PFKFB3: variants seen among roughly 807,000 people sequenced by gnomAD.
PFKFB3 encodes the protein 6-phosphofructo-2-kinase/fructose-2,6-bisphosphatase 3.
PFKFB3 carries 33 observed loss-of-function variants against 68.0 expected under a neutral mutation model. The observed-to-expected ratio is 0.49, with a 90% CI of 0.37 to 0.65. The LOEUF is 0.65. Among genes scored for constraint, PFKFB3 ranks in the 30% least tolerant of loss-of-function variants. PFKFB3 has a pLI of 0.00. For missense variants in PFKFB3, 586 were observed against 712.2 expected (o/e 0.82, Z 2.02); for synonymous variants, 315 against 288.2 (o/e 1.09, Z -0.94).
rs1404593512 is a variant in PFKFB3 at position 6,228,122 on chromosome 10, G to A, written c.1515+1757G>A. 63 of 1,576,144 alleles carry A rather than the reference G, an allele frequency of 4.0e-5. No homozygotes were observed. The highest frequency in any genetic ancestry group is 5.1e-5 in the Non-Finnish European group (59 of 1,147,214). On this transcript the variant is annotated intron_variant, in intron 14 of 14. Coordinates refer to ENST00000379775, the MANE Select transcript of PFKFB3 (RefSeq NM_004566.4). The surrounding 1 kb of genome is among the most constrained non-coding windows in gnomAD (Gnocchi z 4.5). ...AAGCTGCTGGCTGGGCCGGCGTGGG[G>A]TTTTTCAGGGCTTCGTCCCTGCAGA...
At chr10:6,262,399 G>A in the PFKFB3 span, among the ~76,000 whole-genome samples, 1 of 140,570 alleles carries the variant, frequency 7.1e-6, no homozygotes, top group Admixed American at 7.6e-5. Flanking sequence ...AGCCTGCAGT[G>A]AGCAGAGATC....
the PFKFB3 span, among the ~76,000 whole-genome samples, chr10:6,275,347 G>A: frequency 6.6e-6 from 1 of 152,266 alleles, no homozygotes; most frequent in East Asian, 1.9e-4. The surrounding 1 kb of genome is among the most constrained non-coding windows in gnomAD (Gnocchi z 4.9). Flanking sequence ...GAAGGTGCCA[G>A]TTCCCTCAGC....
chr10:6,246,264 G>A (rs532946250), intron 14 of PFKFB3, among the ~76,000 whole-genome samples: 5 of 152,004 alleles, frequency 3.3e-5, no homozygotes, highest in East Asian at 3.9e-4. Context: ...CCTTTAATCC[G>A]GTAACAATCA....
chr10:6,216,102 G>A (rs544663576), intron 3 of PFKFB3, 23 bp from the exon 4 acceptor site: 92 of 1,610,208 alleles, frequency 5.7e-5, no homozygotes, highest in Admixed American at 4.0e-4. Flanking sequence ...GCTGACATTC[G>A]GGCAATGTCT....
Position 6,221,544 on chromosome 10 carries a change from G to A in PFKFB3, c.978+17G>A, listed in dbSNP as rs41291259. On this transcript the variant is annotated intron_variant, in intron 9 of 14. Transcript: ENST00000379775. ...ATCGACGCGGTGAGTCCTGGGAGGC[G>A]GGCAGGCAGCCTCACCCTCGGGCAT... 8,959 of 1,612,562 alleles carry A rather than the reference G, an allele frequency of 5.6e-3. 38 individuals are homozygous for A. The highest frequency in any genetic ancestry group is 6.3e-3 in the Non-Finnish European group (7,437 of 1,179,590).
chr10:6,203,211 G>C lies in PFKFB3; in HGVS notation c.-50G>C. The C allele has an allele frequency of 6.3e-7, 1 of 1,592,558 alleles. No individual in the cohort carries two copies. The highest frequency in any genetic ancestry group is 8.5e-7 in the Non-Finnish European group (1 of 1,170,728). On this transcript the variant is annotated 5_prime_UTR_variant, in exon 1 of 15. Coordinates refer to ENST00000379775, the MANE Select transcript of PFKFB3 (RefSeq NM_004566.4). ...GGGGTCGGCGGCCGCTCTCCTGCCAGCGTCGGGATCTCGGCCCCGGGAGGC... is the reference window on the plus strand; with the variant it reads ...GGGGTCGGCGGCCGCTCTCCTGCCACCGTCGGGATCTCGGCCCCGGGAGGC...
intron 1 of PFKFB3, chr10:6,146,229 A>C (rs1054532411): frequency 6.9e-7 from 1 of 1,440,078 alleles, no homozygotes; most frequent in East Asian, 2.5e-5. Context: ...CTCTTCTCTC[A>C]TAACTCAGAG....
chr10:6,169,998 C>T (rs188396662), intron 1 of PFKFB3, among the ~76,000 whole-genome samples: 1 of 152,264 alleles, frequency 6.6e-6, no homozygotes, highest in African/African-American at 2.4e-5. Context: ...TTTGCAGTTC[C>T]CTTAAATTAG....
chr10:6,185,746 T>C (rs942907959), intron 1 of PFKFB3, among the ~76,000 whole-genome samples: 5 of 151,520 alleles, frequency 3.3e-5, no homozygotes, highest in African/African-American at 1.2e-4. Flanking sequence ...TTCAAGCGAT[T>C]TTCCTGCCTC....
chr10:6,175,031 G>A (rs1166675998), intron 1 of PFKFB3, among the ~76,000 whole-genome samples: 1 of 152,048 alleles, frequency 6.6e-6, no homozygotes, highest in Non-Finnish European at 1.5e-5. Flanking sequence ...GGCCAGGCTG[G>A]TCTTGAATTC....
intron 14 of PFKFB3, among the ~76,000 whole-genome samples, chr10:6,251,122 A>G (rs1041045757): frequency 3.3e-5 from 5 of 152,178 alleles, no homozygotes; most frequent in Non-Finnish European, 7.3e-5. Context: ...CCCAAAATAT[A>G]TTTTCCAGCT....
chr10:6,280,918 C>G, the PFKFB3 span, among the ~76,000 whole-genome samples: 13 of 151,624 alleles, frequency 8.6e-5, no homozygotes, highest in Admixed American at 5.9e-4. Context: ...GCAGTATACA[C>G]TGAACCCAAT....
intron 1 of PFKFB3, among the ~76,000 whole-genome samples, chr10:6,182,798 G>A (rs1842755291): frequency 6.6e-6 from 1 of 152,224 alleles, no homozygotes; most frequent in Non-Finnish European, 1.5e-5. Context: ...ATGCAGTGAA[G>A]TTCGCCTTGC....
chr10:6,166,152 T>C (rs1412959932), intron 1 of PFKFB3, among the ~76,000 whole-genome samples: 2 of 152,106 alleles, frequency 1.3e-5, no homozygotes, highest in Non-Finnish European at 2.9e-5. Flanking sequence ...AGCTAATTTT[T>C]GTGATTTTTA....
the PFKFB3 span, among the ~76,000 whole-genome samples, chr10:6,287,654 C>T: frequency 6.6e-6 from 1 of 152,106 alleles, no homozygotes; most frequent in Non-Finnish European, 1.5e-5. Flanking sequence ...TACGTCCCTG[C>T]CATTAAGTGA....
At chr10:6,231,265 G>A (rs1442479538) in intron 14 of PFKFB3, 25 of 1,602,750 alleles carry the variant, frequency 1.6e-5, no homozygotes, top group East Asian at 2.2e-5. Flanking sequence ...CTTGAAAGAC[G>A]AACTGTCTGT....
At chr10:6,208,157 C>T (rs574834405) in intron 1 of PFKFB3, among the ~76,000 whole-genome samples, 26 of 152,248 alleles carry the variant, frequency 1.7e-4, no homozygotes, top group Non-Finnish European at 2.8e-4. Flanking sequence ...TCATTGAAGC[C>T]TTGAACTCCT....
At chr10:6,256,537 G>A (rs1846498191), downstream of PFKFB3, among the ~76,000 whole-genome samples, 1 of 152,204 alleles carries the variant, frequency 6.6e-6, no homozygotes, top group Non-Finnish European at 1.5e-5. Context: ...CAGCCAGGCT[G>A]CCATGTGCAT....
intron 14 of PFKFB3, among the ~76,000 whole-genome samples, chr10:6,232,502 T>C (rs549528677): frequency 1.3e-5 from 2 of 152,304 alleles, no homozygotes; most frequent in South Asian, 4.1e-4. Flanking sequence ...GGAGGGGCCC[T>C]GTGTGTCCTT....
Sources: gnomAD v4.1 joint callset for allele counts (sites outside exome capture counted in the v4.1 genomes callset) on GRCh38, gnomAD v4.1.1 for gene constraint, Gnocchi (gnomAD v3.1) non-coding constraint, MANE v1.5 for transcripts, NCBI Gene and HGNC (gene_info 2026-07-23, HGNC 2026-07-21) for gene names.